ADAM23: variants seen among roughly 807,000 people sequenced by gnomAD.
ADAM23 encodes the protein disintegrin and metalloproteinase domain-containing protein 23.
A neutral mutation model predicts 120.1 loss-of-function variants in ADAM23; 33 were observed. That is an observed-to-expected ratio of 0.27 (90% CI 0.21 to 0.37). The LOEUF is 0.37. Ranked by LOEUF, ADAM23 falls within the 10% of genes least tolerant of loss-of-function variation. The probability of loss-of-function intolerance (pLI) is 1.00; values close to 1 mark genes in which losing one functional copy is unlikely to be tolerated. For missense variants in ADAM23, 862 were observed against 1,058.2 expected (o/e 0.81, Z 2.57); for synonymous variants, 367 against 375.2 (o/e 0.98, Z 0.25).
At chr2:206,542,537 A>T (rs1396239483) in intron 5 of ADAM23, among the ~76,000 whole-genome samples, 1 of 152,074 alleles carries the variant, frequency 6.6e-6, no homozygotes, top group Non-Finnish European at 1.5e-5. Context: ...TTAGCCAGGC[A>T]AGGGTGGGGT....
At chr2:206,562,939 A>G (rs751273760) in intron 13 of ADAM23, among the ~76,000 whole-genome samples, 2 of 152,168 alleles carry the variant, frequency 1.3e-5, no homozygotes, top group Non-Finnish European at 2.9e-5. Context: ...ATCAGATGAG[A>G]GGTAGATAGG....
intron 20 of ADAM23, 77 bp from the exon 21 acceptor site, chr2:206,589,332 C>T (rs1698383710): frequency 2.5e-6 from 3 of 1,212,732 alleles, no homozygotes; most frequent in East Asian, 5.1e-5. Context: ...GGGTGTTAAA[C>T]ACTTACTGGC....
intron 3 of ADAM23, among the ~76,000 whole-genome samples, chr2:206,485,378 T>C (rs1574491833): frequency 6.6e-6 from 1 of 152,332 alleles, no homozygotes; most frequent in East Asian, 1.9e-4. Context: ...CATTGCTACA[T>C]TACAGACAGA....
At chr2:206,478,263 T>C (rs2105875544) in intron 2 of ADAM23, among the ~76,000 whole-genome samples, 1 of 152,234 alleles carries the variant, frequency 6.6e-6, no homozygotes, top group East Asian at 1.9e-4. Context: ...TGGATATAAA[T>C]GTATTAGATG....
intron 18 of ADAM23, among the ~76,000 whole-genome samples, chr2:206,582,924 G>A (rs1178152834): frequency 2.6e-5 from 4 of 152,186 alleles, no homozygotes; most frequent in Non-Finnish European, 5.9e-5. Flanking sequence ...GAAATCTGCT[G>A]TTAATATGAT....
In ADAM23 at chr2:206,565,182, G is replaced by A. The variant is rs1697853342; in HGVS notation, c.1394+114G>A. 3 of 809,906 alleles carry A rather than the reference G, an allele frequency of 3.7e-6. No individual in the cohort carries two copies. In the South Asian group the frequency reaches 5.8e-5, roughly 16 times the overall value. 50.2% of individuals were successfully genotyped at this position (809,906 alleles called of 1,614,324 possible). ...TTTTAGGCTAAGCACAATATAAAAT[G>A]AATAATTAATTGTCTGATATTTTTA... On this transcript the variant is annotated intron_variant, in intron 14 of 25. Transcript: ENST00000264377.
intron 24 of ADAM23, among the ~76,000 whole-genome samples, chr2:206,602,462 G>C (rs1266979644): frequency 6.6e-6 from 1 of 152,064 alleles, no homozygotes; most frequent in African/African-American, 2.4e-5. Flanking sequence ...TATATAAAGA[G>C]TTTATTTAGT....
At chr2:206,592,498 T>G in intron 21 of ADAM23, 119 bp from the exon 22 acceptor site, 1 of 1,283,604 alleles carries the variant, frequency 7.8e-7, no homozygotes, top group Non-Finnish European at 1.1e-6. Context: ...GATCAAATGT[T>G]TTTGTTTAGA....
intron 24 of ADAM23, among the ~76,000 whole-genome samples, chr2:206,603,576 A>G (rs1698678410): frequency 6.6e-6 from 1 of 152,192 alleles, no homozygotes; most frequent in African/African-American, 2.4e-5. Context: ...CTTTAGCGTT[A>G]AGAGTACTTA....
chr2:206,470,138 A>G (rs966157076), intron 2 of ADAM23, among the ~76,000 whole-genome samples: 1 of 152,136 alleles, frequency 6.6e-6, no homozygotes, highest in Non-Finnish European at 1.5e-5. Flanking sequence ...AATGTGGTAG[A>G]CACACGTGAT....
chr2:206,479,795 TA>T (rs1695858401), intron 2 of ADAM23, among the ~76,000 whole-genome samples: 1 of 152,184 alleles, frequency 6.6e-6, no homozygotes, highest in South Asian at 2.1e-4. Flanking sequence ...CCTATGGCAT[TA>T]AGGATTTAGG....
At chr2:206,480,555 TC>T (rs1372827353) in intron 2 of ADAM23, among the ~76,000 whole-genome samples, 26 of 152,208 alleles carry the variant, frequency 1.7e-4, no homozygotes, top group African/African-American at 6.0e-4. Flanking sequence ...TTTGCAATAT[TC>T]AAGATGCTTC....
intron 3 of ADAM23, among the ~76,000 whole-genome samples, chr2:206,495,951 C>G (rs572052177): frequency 6.6e-6 from 1 of 152,290 alleles, no homozygotes; most frequent in South Asian, 2.1e-4. Flanking sequence ...GAAGAACTAA[C>G]TATCCTAAAT....
chr2:206,474,402 A>G (rs1182503011), intron 2 of ADAM23, among the ~76,000 whole-genome samples: 2 of 152,296 alleles, frequency 1.3e-5, no homozygotes, highest in East Asian at 1.9e-4. Context: ...GTAAATGCAC[A>G]TTGGAATTTG....
intron 9 of ADAM23, among the ~76,000 whole-genome samples, chr2:206,552,302 A>G (rs1033768886): frequency 6.6e-6 from 1 of 152,198 alleles, no homozygotes; most frequent in Non-Finnish European, 1.5e-5. Flanking sequence ...TTGTTCTACC[A>G]TAATATATCA....
At chr2:206,611,795 T>A (rs1330989339) in intron 25 of ADAM23, among the ~76,000 whole-genome samples, 2 of 152,220 alleles carry the variant, frequency 1.3e-5, no homozygotes, top group Non-Finnish European at 2.9e-5. Flanking sequence ...TATCACTGTG[T>A]ATATAAGTGG....
At chr2:206,477,901 T>A (rs1219036115) in intron 2 of ADAM23, among the ~76,000 whole-genome samples, 1,320 of 122,100 alleles carry the variant, frequency 0.011, 36 homozygotes, top group African/African-American at 0.032. Flanking sequence ...AAAAAAAATA[T>A]ATATATATAT....
intron 24 of ADAM23, among the ~76,000 whole-genome samples, chr2:206,599,940 G>A (rs562260575): frequency 2.8e-4 from 43 of 152,284 alleles, no homozygotes; most frequent in African/African-American, 8.4e-4. Flanking sequence ...GGTGGCTCAC[G>A]CCTGTAATCC....
intron 24 of ADAM23, among the ~76,000 whole-genome samples, chr2:206,602,010 T>A (rs1381482887): frequency 1.3e-5 from 2 of 152,196 alleles, no homozygotes; most frequent in Non-Finnish European, 2.9e-5. Context: ...TGAGGAGTAT[T>A]TAGTGTTTAC....
Sources: allele counts gnomAD v4.1 joint callset (sites outside exome capture counted in the v4.1 genomes callset), GRCh38; gene constraint gnomAD v4.1.1; transcripts MANE v1.5; gene names NCBI Gene and HGNC (gene_info 2026-07-23, HGNC 2026-07-21).